The following STIM1 variants were observed in gnomAD, a reference collection of about 807,000 sequenced individuals.
STIM1 encodes stromal interaction molecule 1.
A neutral mutation model predicts 74.7 loss-of-function variants in STIM1; 25 were observed. The observed-to-expected ratio is 0.33, with a 90% CI of 0.24 to 0.47. The LOEUF is 0.47. STIM1 is among the 20% of genes least tolerant of loss of function. STIM1 has a pLI of 1.00. For missense variants in STIM1, 728 were observed against 920.8 expected (o/e 0.79, Z 2.71); for synonymous variants, 328 against 348.8 (o/e 0.94, Z 0.66).
chr11:4,059,544 GTC>G (rs2094315960), intron 5 of STIM1, 148 bp downstream of exon 5: 1 of 665,188 alleles, frequency 1.5e-6, no homozygotes, highest in Non-Finnish European at 2.7e-6. Context: ...GTATGAAAGA[GTC>G]TTACATTTTA....
At chr11:3,895,657 TCTTTCTTTCTTTCTTTCCTTCCTTCC>T (rs2092060738) in intron 1 of STIM1, among the ~76,000 whole-genome samples, 1 of 15,368 alleles carries the variant, frequency 6.5e-5, no homozygotes, top group Non-Finnish European at 1.4e-4. Context: ...TTTCTTTCTT[TCTTTCTTTCTTTCTTTCCTTCCTTCC>T]TTCTTTCTTT....
At chr11:4,001,395 A>G (rs2135908408) in intron 2 of STIM1, among the ~76,000 whole-genome samples, 1 of 152,330 alleles carries the variant, frequency 6.6e-6, no homozygotes, top group South Asian at 2.1e-4. Flanking sequence ...CTCTCGGCAG[A>G]AACTCTACAA....
chr11:3,885,994 A>G (rs2091692066), intron 1 of STIM1, among the ~76,000 whole-genome samples: 1 of 152,168 alleles, frequency 6.6e-6, no homozygotes, highest in South Asian at 2.1e-4. Flanking sequence ...CCCATCAATG[A>G]AGGTGTTGAG....
intron 1 of STIM1, among the ~76,000 whole-genome samples, chr11:3,902,871 A>G (rs1244903388): frequency 6.6e-6 from 1 of 152,202 alleles, no homozygotes; most frequent in Non-Finnish European, 1.5e-5. Context: ...GATAGAGGCA[A>G]AGGATCATAA....
At chr11:3,871,164 G>A (rs1455006637) in intron 1 of STIM1, among the ~76,000 whole-genome samples, 1 of 152,096 alleles carries the variant, frequency 6.6e-6, no homozygotes, top group African/African-American at 2.4e-5. Context: ...ACGACGCCCG[G>A]CCTCCTATCA....
chr11:3,901,033 A>G (rs2092333896), intron 1 of STIM1, among the ~76,000 whole-genome samples: 1 of 152,242 alleles, frequency 6.6e-6, no homozygotes. Flanking sequence ...TCTATTAAAA[A>G]TACAAAAATT....
chr11:4,091,640 C>T lies in STIM1; in HGVS notation c.1993C>T (p.Arg665Ter), dbSNP rs756617504. The T allele has an allele frequency of 1.2e-6, 2 of 1,614,186 alleles. No individual in the cohort carries two copies. Among genetic ancestry groups the T allele is most frequent in the African/African-American group, 1.3e-5 (1 of 75,042 alleles). Residue 665 changes from arginine (R) to a stop codon, truncating the protein, a stop_gained, in exon 13 of 13, where the codon CGA (arginine) becomes TGA (stop). Transcript: ENST00000526596. LOFTEE classifies it high-confidence loss of function. The stretch of plus-strand genomic sequence containing the variant: ...CACACCATCTCCAGTTGGGGACAGC[C>T]GAGCCCTGCAAGCCAGCCGAAACAC... ...PDTPSPVGDS[R>*]ALQASRNTRI... is the part of the protein sequence containing the mutation.
At chr11:3,946,342 A>G (rs1048902867) in intron 1 of STIM1, among the ~76,000 whole-genome samples, 5 of 152,150 alleles carry the variant, frequency 3.3e-5, no homozygotes, top group African/African-American at 1.2e-4. Flanking sequence ...AAGTGTGTAA[A>G]TGTCATTCGT....
chr11:4,009,440 C>T (rs1298887613), intron 2 of STIM1, among the ~76,000 whole-genome samples: 2 of 151,872 alleles, frequency 1.3e-5, no homozygotes, highest in Non-Finnish European at 2.9e-5. Flanking sequence ...TGCTGAAACC[C>T]TGCCTCCACT....
chr11:3,941,574 G>A (rs191094234), intron 1 of STIM1, among the ~76,000 whole-genome samples: 8 of 145,130 alleles, frequency 5.5e-5, no homozygotes, highest in African/African-American at 2.1e-4. Flanking sequence ...TGCCATAGAA[G>A]AAGCATATAT....
intron 1 of STIM1, among the ~76,000 whole-genome samples, chr11:3,895,785 T>C (rs2092129009): frequency 1.0e-5 from 1 of 95,444 alleles, no homozygotes; most frequent in Non-Finnish European, 1.9e-5. Flanking sequence ...CCTTCCTTCC[T>C]TCCTTCCTTC....
intron 2 of STIM1, chr11:3,989,400 C>A: frequency 1.3e-6 from 1 of 755,608 alleles, no homozygotes; most frequent in Admixed American, 1.7e-5. Flanking sequence ...ACAACCGCGC[C>A]GATCTCCTCT....
At chr11:4,013,018 G>A (rs979641676) in intron 2 of STIM1, among the ~76,000 whole-genome samples, 1 of 152,146 alleles carries the variant, frequency 6.6e-6, no homozygotes, top group Admixed American at 6.5e-5. Context: ...TTTATGTGAT[G>A]GATTATGTTT....
chr11:4,051,499 C>T (rs558476917), intron 3 of STIM1, among the ~76,000 whole-genome samples: 6 of 152,066 alleles, frequency 3.9e-5, no homozygotes, highest in African/African-American at 7.2e-5. Context: ...TGCACCACCA[C>T]GCCTGGCTAA....
chr11:3,941,936 C>T (rs1052974924), intron 1 of STIM1, among the ~76,000 whole-genome samples: 2 of 152,076 alleles, frequency 1.3e-5, no homozygotes, highest in African/African-American at 4.8e-5. Context: ...CCTCCTGCCT[C>T]TGCCTCCGAA....
chr11:3,868,992 C>T (rs538998580), intron 1 of STIM1, among the ~76,000 whole-genome samples: 11 of 150,408 alleles, frequency 7.3e-5, no homozygotes, highest in South Asian at 2.1e-4. Flanking sequence ...TTTTTTTGAC[C>T]GAGTCTCACT....
At chr11:4,078,578 T>G (rs1049122969) in intron 7 of STIM1, among the ~76,000 whole-genome samples, 16 of 152,056 alleles carry the variant, frequency 1.1e-4, no homozygotes, top group African/African-American at 3.9e-4. Flanking sequence ...ACTTTTTTTT[T>G]TTTTTTAAGA....
chr11:3,902,201 A>G (rs2092366831), intron 1 of STIM1, among the ~76,000 whole-genome samples: 2 of 152,204 alleles, frequency 1.3e-5, no homozygotes, highest in South Asian at 4.1e-4. Flanking sequence ...ACACATTGGG[A>G]CTTTAGAGGT....
intron 2 of STIM1, among the ~76,000 whole-genome samples, chr11:3,999,998 A>ATCT (rs1453492783): frequency 5.9e-4 from 90 of 152,186 alleles, no homozygotes; most frequent in African/African-American, 2.0e-3. Flanking sequence ...CAGCAGTCTG[A>ATCT]GATCAAACTG....
Sources: allele counts gnomAD v4.1 joint callset (sites outside exome capture counted in the v4.1 genomes callset), GRCh38; gene constraint gnomAD v4.1.1; transcripts MANE v1.5; gene names NCBI Gene and HGNC (gene_info 2026-07-23, HGNC 2026-07-21).